ZHX2: variants seen among roughly 807,000 people sequenced by gnomAD.
The protein encoded by ZHX2 is zinc fingers and homeoboxes protein 2.
In ZHX2, 6 loss-of-function variants were observed where a neutral mutation model predicts 21.9. The observed-to-expected ratio is 0.27, with a 90% CI of 0.15 to 0.54. The LOEUF is 0.54. ZHX2 is among the 20% of genes least tolerant of loss of function. The pLI, the probability that ZHX2 is intolerant of heterozygous loss-of-function variation, is 0.95. For missense variants in ZHX2, 908 were observed against 1,090.7 expected (o/e 0.83, Z 2.36); for synonymous variants, 434 against 437.1 (o/e 0.99, Z 0.09).
intron 2 of ZHX2, among the ~76,000 whole-genome samples, chr8:122,882,106 G>C (rs1157063862): frequency 6.6e-6 from 1 of 152,064 alleles, no homozygotes; most frequent in African/African-American, 2.4e-5. Flanking sequence ...CTGATTTTAG[G>C]AGTTTCTAAT....
chr8:122,857,897 C>T (rs116789679), intron 1 of ZHX2, among the ~76,000 whole-genome samples: 2,837 of 152,312 alleles, frequency 0.019, 104 homozygotes, highest in African/African-American at 0.064. Flanking sequence ...CCATGTGCTC[C>T]GGAAGTGGTG....
At chr8:122,858,194 C>T (rs549992774) in intron 1 of ZHX2, among the ~76,000 whole-genome samples, 181 of 152,330 alleles carry the variant, frequency 1.2e-3, no homozygotes, top group African/African-American at 3.4e-3. Context: ...CTGTCTCTCT[C>T]GTGTGCTCCC....
At chr8:122,917,889 G>A (rs1238934917) in intron 2 of ZHX2, among the ~76,000 whole-genome samples, 2 of 152,164 alleles carry the variant, frequency 1.3e-5, no homozygotes, top group Non-Finnish European at 2.9e-5. Context: ...GTCAATCACA[G>A]CATAGGTTCT....
intron 1 of ZHX2, among the ~76,000 whole-genome samples, chr8:122,786,237 C>A (rs572288189): frequency 3.9e-5 from 6 of 152,114 alleles, no homozygotes; most frequent in Non-Finnish European, 7.4e-5. Flanking sequence ...TTTTTCCTGA[C>A]CTTTGGGTCT....
Position 122,782,796 on chromosome 8 carries a change from C to G in ZHX2, c.-283+850C>G, listed in dbSNP as rs1240389176. 6.6e-6 allele frequency among the ~76,000 whole-genome samples: 1 copy of G among 152,174 alleles called. No homozygotes were observed. The highest frequency in any genetic ancestry group is 1.9e-4 in the East Asian group (1 of 5,184). On this transcript the variant is annotated intron_variant, in intron 1 of 3. Coordinates refer to ENST00000314393, the MANE Select transcript of ZHX2 (RefSeq NM_014943.5). The surrounding 1 kb of genome is among the most constrained non-coding windows in gnomAD (Gnocchi z 5.3). ...GTCCGCTGCCAGCTGGCCGGAGCCT[C>G]TGCCAGCCCGAGCCCACGTTCGCCC...
intron 1 of ZHX2, among the ~76,000 whole-genome samples, chr8:122,791,967 G>C (rs1451197191): frequency 6.6e-6 from 1 of 152,096 alleles, no homozygotes; most frequent in East Asian, 1.9e-4. Flanking sequence ...TAGCATTATG[G>C]AGATATAACT....
At position 122,953,097 on chromosome 8, in the gene ZHX2, C is replaced by A; in HGVS notation, c.1587C>A (p.Ala529=). Residue 529 remains alanine, a synonymous_variant, in exon 3 of 4, where the codon GCC becomes GCA. Transcript: ENST00000314393. This position sits in a 1 kb window ranked among gnomAD's most constrained non-coding sequence, Gnocchi z 4.6. ...GRTYHAYPDF[A]PQKFKEKTQG... ...CGTATCATGCGTACCCAGACTTTGC[C>A]CCCCAGAAGTTCAAAGAGAAAACAC... 1 of 1,613,884 alleles carries A rather than the reference C, an allele frequency of 6.2e-7. No individual in the cohort carries two copies. The highest frequency in any genetic ancestry group is 2.2e-5 in the East Asian group (1 of 44,854).
chr8:122,836,717 C>T (rs1435471179), intron 1 of ZHX2, among the ~76,000 whole-genome samples: 1 of 152,244 alleles, frequency 6.6e-6, no homozygotes, highest in Non-Finnish European at 1.5e-5. Flanking sequence ...GTCTTCCAGC[C>T]AGGGTAGGTG....
At chr8:122,892,853 T>G (rs578124699) in intron 2 of ZHX2, among the ~76,000 whole-genome samples, 1 of 152,000 alleles carries the variant, frequency 6.6e-6, no homozygotes, top group African/African-American at 2.4e-5. Flanking sequence ...TTTGGCTAAT[T>G]TTTTGTATTT....
intron 2 of ZHX2, among the ~76,000 whole-genome samples, chr8:122,912,117 C>T (rs1028370133): frequency 6.6e-6 from 1 of 152,138 alleles, no homozygotes; most frequent in East Asian, 1.9e-4. Flanking sequence ...AAGATGGTGG[C>T]GGGGCTTCCA....
intron 1 of ZHX2, among the ~76,000 whole-genome samples, chr8:122,827,938 C>T (rs1419943580): frequency 1.3e-5 from 2 of 152,136 alleles, no homozygotes; most frequent in South Asian, 2.1e-4. Context: ...CATGGCGAGA[C>T]CCTGCCTCTA....
At chr8:122,802,045 G>A (rs1210666066) in intron 1 of ZHX2, among the ~76,000 whole-genome samples, 1 of 152,068 alleles carries the variant, frequency 6.6e-6, no homozygotes, top group African/African-American at 2.4e-5. Flanking sequence ...GAAAGTGGAG[G>A]TGGCTGTACA....
At chr8:122,791,804 G>T (rs1329925792) in intron 1 of ZHX2, among the ~76,000 whole-genome samples, 1 of 151,128 alleles carries the variant, frequency 6.6e-6, no homozygotes, top group Non-Finnish European at 1.5e-5. Context: ...GGTGGAGGTT[G>T]CAATGAGCCG....
chr8:122,800,813 G>A (rs954519202), intron 1 of ZHX2, among the ~76,000 whole-genome samples: 6 of 152,260 alleles, frequency 3.9e-5, no homozygotes, highest in Non-Finnish European at 8.8e-5. Flanking sequence ...AACTGAGAAC[G>A]TTTTTCCTCT....
At position 122,782,830 on chromosome 8, in the gene ZHX2, G is replaced by A. The variant is rs1458665446; in HGVS notation, c.-283+884G>A. Among the ~76,000 whole-genome samples, 3 of 152,198 alleles carry A rather than the reference G, an allele frequency of 2.0e-5. No homozygotes were observed. The East Asian group carries it at 5.8e-4, about 29-fold the overall frequency. On this transcript the variant is annotated intron_variant, in intron 1 of 3. Transcript: ENST00000314393. The surrounding 1 kb of genome is among the most constrained non-coding windows in gnomAD (Gnocchi z 5.3). ...CGAGCCCACGTTCGCCCCCCTGAAC[G>A]GCAGCTGGCGCTTTTCGTCTGCCCC...
chr8:122,904,287 A>G (rs962737997), intron 2 of ZHX2, among the ~76,000 whole-genome samples: 3 of 152,192 alleles, frequency 2.0e-5, no homozygotes, highest in Non-Finnish European at 4.4e-5. Context: ...AGGTCACAGA[A>G]AAAACTGTGG....
intron 2 of ZHX2, among the ~76,000 whole-genome samples, chr8:122,933,551 C>A (rs1812595555): frequency 6.6e-6 from 1 of 151,952 alleles, no homozygotes; most frequent in Non-Finnish European, 1.5e-5. Context: ...ATTCTTTCCA[C>A]ACGGAGAAAG....
intron 2 of ZHX2, among the ~76,000 whole-genome samples, chr8:122,934,649 T>TC (rs748144656): frequency 0.16 from 23,739 of 148,824 alleles, 3,544 homozygotes; most frequent in African/African-American, 0.4. Flanking sequence ...CTTCCTTCCT[T>TC]CTTTATTACC....
At chr8:122,899,620 T>A (rs539685378) in intron 2 of ZHX2, among the ~76,000 whole-genome samples, 1 of 152,114 alleles carries the variant, frequency 6.6e-6, no homozygotes, top group Non-Finnish European at 1.5e-5. Context: ...CGTCATGAGT[T>A]TTTTGCTGCA....
Sources: gnomAD v4.1 joint callset for allele counts (sites outside exome capture counted in the v4.1 genomes callset) on GRCh38, gnomAD v4.1.1 for gene constraint, Gnocchi (gnomAD v3.1) non-coding constraint, MANE v1.5 for transcripts, NCBI Gene and HGNC (gene_info 2026-07-23, HGNC 2026-07-21) for gene names.